Variants in SNX7 observed in about 807,000 individuals in gnomAD.
The protein encoded by SNX7 is sorting nexin 7, also known as sorting nexin-7.
A neutral mutation model predicts 48.4 loss-of-function variants in SNX7; 35 were observed. That is an observed-to-expected ratio of 0.72 (90% CI 0.55 to 0.96). The LOEUF is 0.96. SNX7 is among the 40% of genes least tolerant of loss of function. The pLI is 0.00. For synonymous variants in SNX7, 190 were observed against 190.2 expected (o/e 1.00, Z 0.01); for missense variants, 553 against 548.9 (o/e 1.01, Z -0.07).
chr1:98,700,169 G>A (rs201661990), intron 6 of SNX7, among the ~76,000 whole-genome samples: 1 of 152,118 alleles, frequency 6.6e-6, no homozygotes, highest in Admixed American at 6.6e-5. Context: ...GATGCCTAGG[G>A]TATAATAAGT....
chr1:98,712,455 A>G (rs755921019), intron 7 of SNX7, among the ~76,000 whole-genome samples: 7 of 152,224 alleles, frequency 4.6e-5, no homozygotes, highest in Non-Finnish European at 7.3e-5. Context: ...AGAGTTTTTC[A>G]GTGACCAAGT....
intron 7 of SNX7, among the ~76,000 whole-genome samples, chr1:98,726,032 G>T (rs949090780): frequency 3.3e-5 from 5 of 152,106 alleles, no homozygotes; most frequent in African/African-American, 4.8e-5. Flanking sequence ...CTTAACACAG[G>T]ATAAGTGAGA....
At chr1:98,669,841 A>G (rs1649750851) in intron 1 of SNX7, among the ~76,000 whole-genome samples, 1 of 152,202 alleles carries the variant, frequency 6.6e-6, no homozygotes, top group Non-Finnish European at 1.5e-5. Context: ...AGTGTTTTGA[A>G]TCATCTAATG....
Position 98,679,510 on chromosome 1 carries a change from G to A in SNX7, c.181-5375G>A, listed in dbSNP as rs368150643. On this transcript the variant is annotated intron_variant, in intron 1 of 8. Transcript: ENST00000306121. ...CATTTCAGCATTAACTCAAAAGTCT[G>A]CAGTCCAAAGTCTCACGTGAGACAA... 1.4e-4 allele frequency among the ~76,000 whole-genome samples: 22 copies of A among 152,152 alleles called. No homozygotes were observed. The East Asian group carries it at 1.9e-3, about 13-fold the overall frequency.
At chr1:98,663,705 T>C (rs548697576) in intron 1 of SNX7, among the ~76,000 whole-genome samples, 1 of 152,334 alleles carries the variant, frequency 6.6e-6, no homozygotes, top group South Asian at 2.1e-4. Flanking sequence ...TTATTGAGAT[T>C]TCTTTTCTCA....
At chr1:98,691,964 C>CTCTCTCTG (rs1410629054) in intron 4 of SNX7, among the ~76,000 whole-genome samples, 1 of 149,430 alleles carries the variant, frequency 6.7e-6, no homozygotes, top group African/African-American at 2.5e-5. Flanking sequence ...CTCTCTCTCT[C>CTCTCTCTG]TCTAATGTTT....
At chr1:98,745,653 A>G (rs1570603883) in intron 8 of SNX7, among the ~76,000 whole-genome samples, 1 of 152,046 alleles carries the variant, frequency 6.6e-6, no homozygotes, top group Admixed American at 6.6e-5. Context: ...TTAGAAGTTT[A>G]CTCAGTCTAG....
intron 7 of SNX7, among the ~76,000 whole-genome samples, chr1:98,727,923 G>A (rs9662170): frequency 0.55 from 83,859 of 151,646 alleles, 24,212 homozygotes; most frequent in Non-Finnish European, 0.64. Context: ...GTGGTACCTG[G>A]AAAAGATGGG....
At chr1:98,662,127 T>C (rs566081802) in intron 1 of SNX7, 7 of 396,758 alleles carry the variant, frequency 1.8e-5, no homozygotes, top group African/African-American at 1.4e-4. Context: ...AGCCGCTCCC[T>C]CCTCCGCACT....
chr1:98,706,837 G>A (rs1652033364), intron 7 of SNX7, among the ~76,000 whole-genome samples: 1 of 152,008 alleles, frequency 6.6e-6, no homozygotes, highest in South Asian at 2.1e-4. Context: ...GCAACTGGAA[G>A]GTAATAGTTG....
In SNX7 at chr1:98,691,172, C is replaced by T. The variant is rs1651100975; in HGVS notation, c.461C>T (p.Thr154Ile). Residue 154 changes from threonine to isoleucine, a missense_variant, in exon 3 of 9, where the codon ACT becomes ATT. Physicochemically the swap from Thr to Ile is moderately conservative, Grantham distance 89 (BLOSUM62 -1). Transcript: ENST00000306121. ...LKGKLEEAHP[T>I]LIIPPLPEKF... Reference sequence around the variant, plus strand: ...GGAAAACTGGAAGAAGCACACCCCACTCTGATTATTCCAGTAAGTTTGCAA... The same window carrying T: ...GGAAAACTGGAAGAAGCACACCCCATTCTGATTATTCCAGTAAGTTTGCAA... The T allele has an allele frequency of 1.9e-6, 3 of 1,605,868 alleles. No homozygotes were observed. Among genetic ancestry groups the T allele is most frequent in the South Asian group, 2.2e-5 (2 of 89,962 alleles).
In SNX7 at chr1:98,719,718, G is replaced by C. The variant is rs1469059762; in HGVS notation, c.1125+17815G>C. ...TTTTCTTAAAGATTTTACCTTTAAG[G>C]ATGAGTTAGAGAGTGTTCTACTTCA... On this transcript the variant is annotated intron_variant, in intron 7 of 8. Transcript: ENST00000306121. Among the ~76,000 whole-genome samples, 3 of 151,314 alleles carry C rather than the reference G, an allele frequency of 2.0e-5. No individual in the cohort carries two copies. In the East Asian group the frequency reaches 5.8e-4, roughly 29 times the overall value.
rs529302660 is a variant in SNX7, at chr1:98,751,616, C to T, written c.1279-8438C>T. Among the ~76,000 whole-genome samples, 7 of 152,124 alleles carry T rather than the reference C, an allele frequency of 4.6e-5. No individual in the cohort carries two copies. The East Asian group carries it at 7.8e-4, about 17-fold the overall frequency. ...TCAATTAACAAGGATTTGTGATAAG[C>T]TTTTTTTCTGGTCAACCCACATCCT... On this transcript the variant is annotated intron_variant, in intron 8 of 8. Transcript: ENST00000306121.
chr1:98,668,285 C>T (rs1649651944), intron 1 of SNX7, among the ~76,000 whole-genome samples: 1 of 152,088 alleles, frequency 6.6e-6, no homozygotes, highest in African/African-American at 2.4e-5. Flanking sequence ...ATTTAAACAC[C>T]ATATTTTCAA....
chr1:98,712,164 A>G (rs1652348673), intron 7 of SNX7, among the ~76,000 whole-genome samples: 1 of 152,204 alleles, frequency 6.6e-6, no homozygotes, highest in South Asian at 2.1e-4. Context: ...TATAAGAGTT[A>G]GAATCAACTT....
chr1:98,747,094 TA>T (rs769007823), intron 8 of SNX7, among the ~76,000 whole-genome samples: 3 of 152,096 alleles, frequency 2.0e-5, no homozygotes, highest in African/African-American at 2.4e-5. Flanking sequence ...ACTTCTGACT[TA>T]AAAAAAGTAA....
chr1:98,694,858 C>T (rs1156857736), intron 4 of SNX7, among the ~76,000 whole-genome samples: 3 of 151,816 alleles, frequency 2.0e-5, no homozygotes, highest in African/African-American at 4.8e-5. Flanking sequence ...ATGCCCTCCT[C>T]GGCCTCCCAA....
intron 5 of SNX7, among the ~76,000 whole-genome samples, chr1:98,696,295 C>T (rs1050795539): frequency 9.9e-5 from 15 of 151,442 alleles, no homozygotes; most frequent in Non-Finnish European, 1.8e-4. Flanking sequence ...ACTGAGTCAG[C>T]AAATAATTTC....
At chr1:98,695,829 C>T (rs992215461) in intron 5 of SNX7, 113 bp downstream of exon 5, 2 of 793,612 alleles carry the variant, frequency 2.5e-6, no homozygotes, top group African/African-American at 3.4e-5. Flanking sequence ...CAAAGTGTGG[C>T]TTATTCCTAG....
Sources: allele counts gnomAD v4.1 joint callset (sites outside exome capture counted in the v4.1 genomes callset), GRCh38; gene constraint gnomAD v4.1.1; transcripts MANE v1.5; gene names NCBI Gene and HGNC (gene_info 2026-07-23, HGNC 2026-07-21).